Variants in FARP1 observed in about 807,000 individuals in gnomAD.
FARP1 encodes the protein FERM, ARH/RhoGEF and pleckstrin domain protein 1.
FARP1 carries 52 observed loss-of-function variants against 128.8 expected under a neutral mutation model. That is an observed-to-expected ratio of 0.40 (90% confidence interval 0.32 to 0.51). FARP1 has a LOEUF of 0.51. Ranked by LOEUF, FARP1 falls within the 20% of genes least tolerant of loss-of-function variation. The pLI, the probability that FARP1 is intolerant of heterozygous loss-of-function variation, is 0.45. For synonymous variants in FARP1, 580 were observed against 551.8 expected, an observed-to-expected ratio of 1.05 and a Z score of -0.72; for missense variants, 1,333 against 1,367.9, an observed-to-expected ratio of 0.97 and a Z score of 0.40.
Position 98,201,497 on chromosome 13 carries a change from T to TG in FARP1, c.-23-11722dup, listed in dbSNP as rs535901303. On this transcript the variant is annotated intron_variant, in intron 1 of 26. Transcript: ENST00000319562. ...TAGTGCCAGGAAGATACAAGAGTGT[T>TG]GAACAGCAGAGTTCAGCTGGATTAG... 1.4e-3 allele frequency among the ~76,000 whole-genome samples: 216 copies of TG among 152,316 alleles called. 3 individuals carry two copies. Among genetic ancestry groups the TG allele is most frequent in the East Asian group, 6.9e-3 (36 of 5,182 alleles).
intron 2 of FARP1, among the ~76,000 whole-genome samples, chr13:98,236,928 G>A (rs1882455080): frequency 6.6e-6 from 1 of 152,144 alleles, no homozygotes; most frequent in African/African-American, 2.4e-5. Flanking sequence ...GGAGGTGGAG[G>A]CTGCCATGAG....
At chr13:98,409,617 C>A in intron 14 of FARP1, 92 bp downstream of exon 14, 1 of 1,189,512 alleles carries the variant, frequency 8.4e-7, no homozygotes, top group Non-Finnish European at 1.1e-6. Context: ...TACATAAGAG[C>A]AAAGGTACCA....
intron 2 of FARP1, among the ~76,000 whole-genome samples, chr13:98,221,145 A>T (rs2139361798): frequency 6.6e-6 from 1 of 152,322 alleles, no homozygotes; most frequent in South Asian, 2.1e-4. Context: ...CTTGAGGCCC[A>T]GGTGAGGCTC....
Position 98,446,646 on chromosome 13 carries a change from G to C in FARP1, c.2905-20G>C. The C allele has an allele frequency of 6.2e-7, 1 of 1,612,938 alleles. No homozygotes were observed. Among genetic ancestry groups the C allele is most frequent in the South Asian group, 1.1e-5 (1 of 91,020 alleles). On this transcript the variant is annotated intron_variant, in intron 25 of 26. Transcript: ENST00000319562. ...GAAGCTGACCCCGAAAAGCCACTTT[G>C]CTTTGTTTCCCCTTTCCAGGACAAT...
intron 17 of FARP1, 79 bp downstream of exon 17, chr13:98,424,729 C>G: frequency 1.0e-6 from 1 of 958,448 alleles, no homozygotes; most frequent in East Asian, 2.4e-5. Context: ...AGGCTGTAAG[C>G]CATTTCCATC....
intron 1 of FARP1, among the ~76,000 whole-genome samples, chr13:98,153,542 A>T: frequency 2.3e-5 from 2 of 86,162 alleles, no homozygotes; most frequent in African/African-American, 3.6e-5. Context: ...ATATATAAAT[A>T]TGTATAAATA....
At position 98,439,950 on chromosome 13, in the gene FARP1, C is replaced by A. The variant is rs372636485; in HGVS notation, c.2434-11C>A. The A allele has an allele frequency of 1.1e-4, 174 of 1,546,250 alleles. No individual in the cohort carries two copies. Among genetic ancestry groups the A allele is most frequent in the Non-Finnish European group, 1.5e-4 (170 of 1,140,050 alleles). ...GTGCCTCATGGTGACGTTATCTTCT[C>A]TTGCCCACAGATTGAGGAGAGCGAA... On this transcript the variant is annotated splice_polypyrimidine_tract_variant and intron_variant, in intron 21 of 26. Transcript: ENST00000319562.
chr13:98,368,829 GTCACCA>G (rs899032209), intron 5 of FARP1, among the ~76,000 whole-genome samples: 23 of 152,032 alleles, frequency 1.5e-4, no homozygotes, highest in Non-Finnish European at 2.9e-4. Context: ...CACCACCATT[GTCACCA>G]TCACCATCAC....
chr13:98,353,043 G>A (rs1048309965), intron 3 of FARP1, among the ~76,000 whole-genome samples: 1 of 152,054 alleles, frequency 6.6e-6, no homozygotes, highest in African/African-American at 2.4e-5. Context: ...GGGGGTGGGG[G>A]CACCACACAC....
At chr13:98,206,130 C>G (rs1263668134) in intron 1 of FARP1, among the ~76,000 whole-genome samples, 1 of 151,610 alleles carries the variant, frequency 6.6e-6, no homozygotes, top group African/African-American at 2.4e-5. Flanking sequence ...AGTGGGCCAG[C>G]AGACAGAGCC....
intron 2 of FARP1, 105 bp downstream of exon 2, chr13:98,213,518 G>T: frequency 8.3e-7 from 1 of 1,207,148 alleles, no homozygotes; most frequent in Non-Finnish European, 1.2e-6. Flanking sequence ...GCGGCTGGAG[G>T]TCCTGCATGT....
intron 15 of FARP1, among the ~76,000 whole-genome samples, chr13:98,411,689 G>A (rs1231979417): frequency 6.6e-6 from 1 of 152,234 alleles, no homozygotes; most frequent in African/African-American, 2.4e-5. Flanking sequence ...GCAGAAAGCA[G>A]TAATATACAG....
intron 2 of FARP1, among the ~76,000 whole-genome samples, chr13:98,247,593 C>T (rs1358506151): frequency 6.6e-6 from 1 of 152,164 alleles, no homozygotes; most frequent in East Asian, 1.9e-4. Flanking sequence ...AAGGATACAA[C>T]AGACAGTGAG....
At chr13:98,317,162 G>A (rs992000208) in intron 2 of FARP1, among the ~76,000 whole-genome samples, 5 of 152,170 alleles carry the variant, frequency 3.3e-5, no homozygotes, top group African/African-American at 1.2e-4. Context: ...TTTGGCCAAA[G>A]CTAATCCTAA....
chr13:98,414,598 C>T (rs1251535953), intron 16 of FARP1, among the ~76,000 whole-genome samples: 1 of 152,176 alleles, frequency 6.6e-6, no homozygotes, highest in Non-Finnish European at 1.5e-5. Context: ...ATAACCCAGC[C>T]CTGTTATATC....
intron 18 of FARP1, chr13:98,433,443 T>C (rs896331250): frequency 2.6e-5 from 4 of 152,202 alleles, no homozygotes; most frequent in African/African-American, 9.7e-5. Context: ...AAACAAACCA[T>C]GCTGGCCAGG....
At chr13:98,274,615 G>GA (rs1213495623) in intron 2 of FARP1, among the ~76,000 whole-genome samples, 2 of 152,066 alleles carry the variant, frequency 1.3e-5, no homozygotes, top group Non-Finnish European at 2.9e-5. Context: ...CCTTTTAATG[G>GA]AAAAAACTGC....
chr13:98,164,121 T>C (rs183617316), intron 1 of FARP1, among the ~76,000 whole-genome samples: 135 of 152,374 alleles, frequency 8.9e-4, no homozygotes, highest in Non-Finnish European at 1.3e-3. Flanking sequence ...GTCCTGTGAA[T>C]GCCTTACTTT....
intron 2 of FARP1, among the ~76,000 whole-genome samples, chr13:98,236,061 T>A (rs1882397324): frequency 6.6e-6 from 1 of 152,146 alleles, no homozygotes; most frequent in Non-Finnish European, 1.5e-5. Context: ...CGACCTCAGG[T>A]GATCTGCCCG....
Sources: allele counts gnomAD v4.1 joint callset (sites outside exome capture counted in the v4.1 genomes callset), GRCh38; gene constraint gnomAD v4.1.1; transcripts MANE v1.5; gene names NCBI Gene and HGNC (gene_info 2026-07-23, HGNC 2026-07-21).